Variants in PUDP observed in about 807,000 individuals in gnomAD.
The protein encoded by PUDP is pseudouridine-5'-phosphatase.
Under a neutral mutation model 9.4 loss-of-function variants are expected in PUDP, and 8 were observed. That is an observed-to-expected ratio of 0.85 (90% CI 0.50 to 1.53). The LOEUF is 1.53. Among genes scored for constraint, PUDP ranks in the 40% most tolerant of loss-of-function variants. The pLI, the probability that PUDP is intolerant of heterozygous loss-of-function variation, is 0.00. For synonymous variants in PUDP, 99 were observed against 80.7 expected, an observed-to-expected ratio of 1.23 and a Z score of -1.22; for missense variants, 188 against 189.7, an observed-to-expected ratio of 0.99 and a Z score of 0.05.
intron 3 of PUDP, among the ~76,000 whole-genome samples, chrX:6,765,082 C>T (rs908275102): frequency 2.9e-5 from 3 of 104,234 alleles, no homozygotes; most frequent in Non-Finnish European, 3.9e-5. Context: ...GCCTGGGCAA[C>T]GTGGTGAAAC....
At chrX:7,109,370 G>A (rs1173441543) in intron 1 of PUDP, among the ~76,000 whole-genome samples, 2 of 112,020 alleles carry the variant, frequency 1.8e-5, no homozygotes, top group African/African-American at 6.5e-5. Flanking sequence ...AGACACCACT[G>A]TCGGGTTTGA....
chrX:7,035,255 A>G (rs1929838950), intron 1 of PUDP, among the ~76,000 whole-genome samples: 1 of 112,044 alleles, frequency 8.9e-6, no homozygotes, highest in Non-Finnish European at 1.9e-5. Flanking sequence ...CTTAAAATGA[A>G]TATAATGCTA....
intron 3 of PUDP, among the ~76,000 whole-genome samples, chrX:6,826,132 AT>A (rs1309449809): frequency 8.9e-6 from 1 of 111,815 alleles, no homozygotes; most frequent in African/African-American, 3.3e-5. Flanking sequence ...AGTATGCTAG[AT>A]TTTTTAAGTC....
chrX:6,815,523 AC>A (rs1285275163), intron 3 of PUDP, among the ~76,000 whole-genome samples: 10 of 111,870 alleles, frequency 8.9e-5, no homozygotes, highest in African/African-American at 2.6e-4. Flanking sequence ...TGTCAAAAAA[AC>A]ATCAAAAAAG....
chrX:6,805,529 T>G (rs1926035514), intron 3 of PUDP, among the ~76,000 whole-genome samples: 1 of 109,989 alleles, frequency 9.1e-6, no homozygotes, highest in African/African-American at 3.3e-5. Flanking sequence ...ACCAAAAAGT[T>G]TTTTTTTCTT....
chrX:6,944,145 C>A (rs1928433633), intron 3 of PUDP, among the ~76,000 whole-genome samples: 1 of 110,509 alleles, frequency 9.0e-6, no homozygotes, highest in African/African-American at 3.3e-5. Context: ...GGGGTGGTTT[C>A]CCCCATGCTG....
chrX:7,115,384 C>T (rs1053410545), intron 1 of PUDP, among the ~76,000 whole-genome samples: 7 of 112,232 alleles, frequency 6.2e-5, no homozygotes, highest in Admixed American at 5.7e-4. Context: ...ACTTTTACAT[C>T]GCTATATATA....
At chrX:6,822,057 C>G (rs1433572728) in intron 3 of PUDP, among the ~76,000 whole-genome samples, 3 of 111,567 alleles carry the variant, frequency 2.7e-5, no homozygotes, top group Non-Finnish European at 5.7e-5. Flanking sequence ...AACTGGCAAC[C>G]CATTTTCTCC....
intron 2 of PUDP, among the ~76,000 whole-genome samples, chrX:7,093,837 G>A: frequency 8.9e-6 from 1 of 112,106 alleles, no homozygotes; most frequent in Non-Finnish European, 1.9e-5. Context: ...CAGGTGTGGT[G>A]GCCCATTCCT....
At chrX:6,889,510 C>T (rs1927481605) in intron 3 of PUDP, among the ~76,000 whole-genome samples, 1 of 111,552 alleles carries the variant, frequency 9.0e-6, no homozygotes, top group African/African-American at 3.3e-5. Context: ...TAGGATTGAT[C>T]ATTATGCCTT....
intron 3 of PUDP, among the ~76,000 whole-genome samples, chrX:6,908,166 T>A (rs1404678440): frequency 1.8e-5 from 2 of 112,648 alleles, no homozygotes; most frequent in African/African-American, 6.4e-5. Flanking sequence ...ATTCTGAAAG[T>A]GAGAGAGAGC....
chrX:6,953,287 T>G (rs1368522594), intron 3 of PUDP, among the ~76,000 whole-genome samples: 4 of 111,811 alleles, frequency 3.6e-5, no homozygotes, highest in African/African-American at 1.3e-4. Flanking sequence ...TTTGTTCTTT[T>G]CTTTCGTCTA....
At chrX:6,796,965 C>G (rs1380955121) in intron 3 of PUDP, among the ~76,000 whole-genome samples, 1 of 111,877 alleles carries the variant, frequency 8.9e-6, no homozygotes, top group Non-Finnish European at 1.9e-5. Context: ...TCTGATGCGT[C>G]TGACAGAAAC....
chrX:6,809,778 T>C (rs1461285794), intron 3 of PUDP, among the ~76,000 whole-genome samples: 1 of 111,596 alleles, frequency 9.0e-6, no homozygotes, highest in African/African-American at 3.3e-5. Flanking sequence ...TATTCCAATA[T>C]GCAAGTGATC....
At chrX:7,069,509 AGTGCTGG>A (rs767002460) in intron 3 of PUDP, among the ~76,000 whole-genome samples, 4 of 110,051 alleles carry the variant, frequency 3.6e-5, no homozygotes, top group South Asian at 4.0e-4. Flanking sequence ...GCCTCTTATT[AGTGCTGG>A]GTGCTGGGCA....
intron 3 of PUDP, among the ~76,000 whole-genome samples, chrX:6,934,190 C>G (rs1201722188): frequency 9.4e-6 from 1 of 106,354 alleles, no homozygotes; most frequent in Non-Finnish European, 1.9e-5. Flanking sequence ...TCAGATTCAC[C>G]AAAGTTGAAA....
In PUDP at chrX:6,731,037, C is replaced by T. The variant is rs951719682; in HGVS notation, c.*248-24571G>A. 3.3e-4 allele frequency among the ~76,000 whole-genome samples: 35 copies of T among 106,858 alleles called. No homozygotes were observed. The Admixed American group carries it at 3.5e-3, about 11-fold the overall frequency. The allele number at this position is 106,858 out of a possible 115,157, so 92.8% of individuals were successfully genotyped here. A position where few individuals can be genotyped will look rare whatever the true frequency, so the allele number is the denominator to read the frequency against. On this transcript the variant is annotated intron_variant and NMD_transcript_variant, in intron 3 of 3. Transcript: ENST00000655425. ...ACTGTAGAACATCTATAGTCCAAACCCTTGCCAAGGGATGTAGTCTTTTTA... is the reference window on the plus strand; with the variant it reads ...ACTGTAGAACATCTATAGTCCAAACTCTTGCCAAGGGATGTAGTCTTTTTA...
At chrX:6,903,956 A>T (rs6639698) in intron 3 of PUDP, among the ~76,000 whole-genome samples, 24,776 of 96,709 alleles carry the variant, frequency 0.26, 2,844 homozygotes, top group East Asian at 0.57. Context: ...ATATATATTT[A>T]TTTTTTTTTT....
chrX:6,738,547 C>G, intron 3 of PUDP, among the ~76,000 whole-genome samples: 1 of 111,719 alleles, frequency 9.0e-6, no homozygotes, highest in Non-Finnish European at 1.9e-5. Context: ...ATGTTTTGAG[C>G]AACTGTCCAT....
Sources: allele counts gnomAD v4.1 joint callset (sites outside exome capture counted in the v4.1 genomes callset), GRCh38; gene constraint gnomAD v4.1.1; transcripts MANE v1.5; gene names NCBI Gene and HGNC (gene_info 2026-07-23, HGNC 2026-07-21).